The following DNAH17 variants were observed in gnomAD, a reference collection of about 807,000 sequenced individuals.
DNAH17 encodes axonemal beta dynein heavy chain 17.
Under a neutral mutation model 485.6 loss-of-function variants are expected in DNAH17, and 376 were observed. The ratio of observed to expected loss-of-function variants is 0.77; its 90% confidence interval spans 0.71 to 0.84. The LOEUF is 0.84. Ranked by LOEUF, DNAH17 falls within the 40% of genes least tolerant of loss-of-function variation. The pLI, the probability that DNAH17 is intolerant of heterozygous loss-of-function variation, is 0.00. For synonymous variants in DNAH17, 3,031 were observed against 2,405.9 expected, an observed-to-expected ratio of 1.26 and a Z score of -7.60; for missense variants, 6,370 against 5,839.3, an observed-to-expected ratio of 1.09 and a Z score of -2.96.
chr17:78,471,353 G>A (rs966622234), intron 54 of DNAH17, among the ~76,000 whole-genome samples: 11 of 152,228 alleles, frequency 7.2e-5, no homozygotes, highest in Non-Finnish European at 1.5e-5. Flanking sequence ...TGGGCCGCAG[G>A]TGGGACTTGA....
chr17:78,443,608 G>T lies in DNAH17; in HGVS notation c.11528+996C>A, dbSNP rs949766294. ...TCTGTCACCCAGGCTGGAGCGCAGT[G>T]GCACAATCTCGGCCCACTGCAGCCT... is the stretch of plus-strand genomic sequence containing the variant. On this transcript the variant is annotated intron_variant, in intron 71 of 80. Transcript: ENST00000389840. Among the ~76,000 whole-genome samples, 4 of 152,140 alleles carry T rather than the reference G, an allele frequency of 2.6e-5. No homozygotes were observed. In the East Asian group the frequency reaches 7.7e-4, roughly 29 times the overall value.
At chr17:78,561,612 T>C in intron 12 of DNAH17, 103 bp downstream of exon 12, 1 of 1,371,936 alleles carries the variant, frequency 7.3e-7, no homozygotes, top group South Asian at 1.6e-5. Context: ...GGTAACAGTC[T>C]GGTCGACAGG....
chr17:78,454,384 A>C, intron 64 of DNAH17, 86 bp downstream of exon 64: 1 of 1,024,600 alleles, frequency 9.8e-7, no homozygotes, highest in Admixed American at 2.3e-5. Flanking sequence ...TGAAAGACCC[A>C]CCCATCCATT....
At chr17:78,475,914 T>G in intron 52 of DNAH17, 81 bp from the exon 53 acceptor site, 1 of 1,495,502 alleles carries the variant, frequency 6.7e-7, no homozygotes, top group South Asian at 1.3e-5. Flanking sequence ...TTCAGTACTT[T>G]GCCAAGGTGG....
intron 27 of DNAH17, among the ~76,000 whole-genome samples, chr17:78,509,966 G>A (rs1007253748): frequency 2.0e-5 from 3 of 152,186 alleles, no homozygotes; most frequent in African/African-American, 7.2e-5. Context: ...CGGGTCAGTT[G>A]AAGTCAGGAG....
chr17:78,554,966 C>T lies in DNAH17; in HGVS notation c.2179-2161G>A, dbSNP rs997988058. 9.9e-5 allele frequency among the ~76,000 whole-genome samples: 15 copies of T among 152,224 alleles called. No homozygotes were observed. The East Asian group carries it at 2.5e-3, about 26-fold the overall frequency. ...ATTAGCACGTTGGCCAGGCTGGCCT[C>T]GAACTCCTGACCTCAAGTGATCCAC... On this transcript the variant is annotated intron_variant, in intron 14 of 80. Transcript: ENST00000389840.
At chr17:78,575,500 G>A (rs1598757210) in intron 1 of DNAH17, among the ~76,000 whole-genome samples, 1 of 152,164 alleles carries the variant, frequency 6.6e-6, no homozygotes, top group African/African-American at 2.4e-5. Flanking sequence ...AAAAGACGTC[G>A]CAGCCCCAGA....
intron 74 of DNAH17, among the ~76,000 whole-genome samples, chr17:78,436,694 T>C (rs1455059393): frequency 1.3e-5 from 2 of 151,328 alleles, no homozygotes; most frequent in African/African-American, 4.9e-5. Context: ...AAATCCAAAA[T>C]ATTAGCTGGG....
intron 19 of DNAH17, among the ~76,000 whole-genome samples, chr17:78,533,447 G>C (rs971180209): frequency 6.6e-6 from 1 of 152,150 alleles, no homozygotes; most frequent in Non-Finnish European, 1.5e-5. Flanking sequence ...CAAAGGCCCC[G>C]TGGTGGGAGG....
At chr17:78,465,050 C>A (rs921791773) in intron 56 of DNAH17, among the ~76,000 whole-genome samples, 1 of 152,216 alleles carries the variant, frequency 6.6e-6, no homozygotes, top group African/African-American at 2.4e-5. Flanking sequence ...GCCTGATTCT[C>A]CTGACTCAGC....
At chr17:78,497,234 G>C (rs2090108030) in intron 37 of DNAH17, among the ~76,000 whole-genome samples, 1 of 152,114 alleles carries the variant, frequency 6.6e-6, no homozygotes, top group African/African-American at 2.4e-5. Flanking sequence ...GGTCTCCTCT[G>C]GAAACCTGCA....
intron 22 of DNAH17, among the ~76,000 whole-genome samples, 184 bp from the exon 23 acceptor site, chr17:78,527,180 C>T (rs1452649360): frequency 6.6e-6 from 1 of 152,008 alleles, no homozygotes; most frequent in African/African-American, 2.4e-5. Flanking sequence ...CCCAGGAGTT[C>T]GAGACCAGCC....
Position 78,569,532 on chromosome 17 carries a change from GC to G in DNAH17, c.1045-6del, listed in dbSNP as rs1474394170. 2 of 1,600,166 alleles carry G rather than the reference GC, an allele frequency of 1.2e-6. No individual in the cohort carries two copies. The highest frequency in any genetic ancestry group is 2.3e-5 in the South Asian group (2 of 88,598). On this transcript the variant is annotated splice_region_variant and splice_polypyrimidine_tract_variant and intron_variant, in intron 7 of 80. Transcript: ENST00000389840. The stretch of plus-strand genomic sequence containing the variant: ...CGGGCTCAGGAAGGTTCGTGTCTGG[GC>G]AAAAGAGAAGACAGACATCTAAAGC...
intron 7 of DNAH17, 124 bp from the exon 8 acceptor site, chr17:78,569,651 A>C: frequency 1.6e-6 from 2 of 1,228,662 alleles, no homozygotes; most frequent in Non-Finnish European, 2.2e-6. Context: ...AACCCCTCCT[A>C]TCTGCCCACT....
intron 79 of DNAH17, among the ~76,000 whole-genome samples, chr17:78,425,954 G>A (rs1185755614): frequency 6.6e-6 from 1 of 151,996 alleles, no homozygotes; most frequent in Non-Finnish European, 1.5e-5. Flanking sequence ...TTAGAGATGG[G>A]GTTTCGCCAT....
intron 47 of DNAH17, chr17:78,485,249 C>T (rs376266955): frequency 4.5e-6 from 3 of 660,292 alleles, no homozygotes; most frequent in South Asian, 4.0e-5. Flanking sequence ...GTGGCAGGAA[C>T]CTTGCTCTCC....
rs890446734 is a variant in DNAH17, at chr17:78,577,378, G to A, written c.-109C>T. The stretch of plus-strand genomic sequence containing the variant: ...AAAGAAAATGGCTCCCTTCCCTCGA[G>A]GGGCTCCAACTGCCACATAACTTCT... On this transcript the variant is annotated 5_prime_UTR_variant, in exon 1 of 81. Coordinates refer to ENST00000389840, the MANE Select transcript of DNAH17 (RefSeq NM_173628.4). 6.6e-6 allele frequency: 1 copy of A among 152,234 alleles called. No individual in the cohort carries two copies. The highest frequency in any genetic ancestry group is 1.5e-5 in the Non-Finnish European group (1 of 68,056). 9.4% of individuals were successfully genotyped at this position (152,234 alleles called of 1,614,324 possible). A position where few individuals can be genotyped will look rare whatever the true frequency, so the allele number is the denominator to read the frequency against.
rs369484584 is a variant in DNAH17, at chr17:78,454,628, G to A, written c.10248C>T (p.Asn3416=). 1.9e-6 allele frequency: 3 copies of A among 1,613,008 alleles called. No homozygotes were observed. In the African/African-American group the frequency reaches 4.0e-5, roughly 22 times the overall value. The part of the protein sequence containing the change: ...TDDADVATWN[N]QGLPSDRMST... ...ACATGCGGTCGCTGGGGAGGCCCTG[G>A]TTGTTCCAGGTGGCCACGTCCGCGT... Residue 3416 remains asparagine (N), a synonymous_variant, in exon 64 of 81, where the codon AAC becomes AAT. Transcript: ENST00000389840.
chr17:78,485,224 C>T (rs2089545720), intron 47 of DNAH17, 191 bp from the exon 48 acceptor site: 1 of 713,934 alleles, frequency 1.4e-6, no homozygotes, highest in Non-Finnish European at 2.2e-6. Context: ...ATAAACAGAG[C>T]GATCAGAGGC....
Sources: gnomAD v4.1 joint callset for allele counts (sites outside exome capture counted in the v4.1 genomes callset) on GRCh38, gnomAD v4.1.1 for gene constraint, MANE v1.5 for transcripts, NCBI Gene and HGNC (gene_info 2026-07-23, HGNC 2026-07-21) for gene names.